Variants in CHD7 observed in about 807,000 individuals in gnomAD.
CHD7 encodes ATP-dependent chromatin remodeler CHD7.
A neutral mutation model predicts 307.3 loss-of-function variants in CHD7; 24 were observed. That is an observed-to-expected ratio of 0.08 (90% CI 0.06 to 0.11). The LOEUF is 0.11. Ranked by LOEUF, CHD7 falls within the 10% of genes least tolerant of loss-of-function variation. The pLI is 1.00. For synonymous variants in CHD7, 1,363 were observed against 1,349.9 expected (o/e 1.01, Z -0.21); for missense variants, 3,106 against 3,727.1 (o/e 0.83, Z 4.34).
At chr8:60,798,177 A>T (rs1262011326) in intron 4 of CHD7, among the ~76,000 whole-genome samples, 1 of 152,188 alleles carries the variant, frequency 6.6e-6, no homozygotes, top group Non-Finnish European at 1.5e-5. Context: ...GTGGGAAAGT[A>T]TTGCAGATGG....
intron 1 of CHD7, among the ~76,000 whole-genome samples, chr8:60,712,997 C>T (rs1156900091): frequency 1.4e-5 from 2 of 146,886 alleles, no homozygotes; most frequent in Non-Finnish European, 3.0e-5. Flanking sequence ...TTACGCTGAG[C>T]CGAGATTGCG....
chr8:60,744,145 T>C (rs1372509951), intron 2 of CHD7, among the ~76,000 whole-genome samples: 1 of 152,130 alleles, frequency 6.6e-6, no homozygotes, highest in African/African-American at 2.4e-5. Context: ...AGGTCAGCAG[T>C]TGAGACTGGG....
At position 60,742,165 on chromosome 8, in the gene CHD7, A is replaced by G. The variant is rs768507639; in HGVS notation, c.733A>G (p.Met245Val). The change falls in exon 2 of 38, where the codon ATG (methionine) becomes GTG (valine). Residue 245 changes from methionine (M) to valine (V), a missense_variant. This residue lies in a region of CHD7 where 998 missense variants were observed against 1,004.5 expected (regional missense o/e 0.99). Coordinates refer to ENST00000423902, the MANE Select transcript of CHD7 (RefSeq NM_017780.4). ...CCACGTGCCCCAGCAGAGTCCCAGCATGGCACCTTCCTTGCGTCACTCGGT... is the reference window on the plus strand; with the variant it reads ...CCACGTGCCCCAGCAGAGTCCCAGCGTGGCACCTTCCTTGCGTCACTCGGT... ...LSHVPQQSPS[M>V]APSLRHSVQQ... The G allele has an allele frequency of 1.1e-5, 18 of 1,613,778 alleles. No homozygotes were observed. In the East Asian group the frequency reaches 1.8e-4, roughly 16 times the overall value.
In CHD7 at chr8:60,772,273, AC is replaced by A. The variant is rs1298392960; in HGVS notation, c.1666-8723del. On this transcript the variant is annotated intron_variant, in intron 2 of 37. Transcript: ENST00000423902. The stretch of plus-strand genomic sequence containing the variant: ...TTGTTTTGTTCCCAATTCTGCACAA[AC>A]CCCTGGGATTGTTCAGTGTTGCAGA... 5.3e-5 allele frequency among the ~76,000 whole-genome samples: 8 copies of A among 152,022 alleles called. No individual in the cohort carries two copies. In the South Asian group the frequency reaches 1.7e-3, roughly 32 times the overall value.
At chr8:60,715,140 A>G (rs1775570819) in intron 1 of CHD7, among the ~76,000 whole-genome samples, 2 of 152,340 alleles carry the variant, frequency 1.3e-5, no homozygotes, top group African/African-American at 4.8e-5. Context: ...GAGAGCCGCC[A>G]CATTGACACT....
rs1053945677 is a variant in CHD7 at position 60,742,420 on chromosome 8, C to A, written c.988C>A (p.Gln330Lys). The A allele has an allele frequency of 6.2e-7, 1 of 1,613,956 alleles. No homozygotes were observed. ...ATTAGTTAACAATACAGGGATGAATCAAAATTTAGGCCTTACAAATAATAC... is the reference window on the plus strand; with the variant it reads ...ATTAGTTAACAATACAGGGATGAATAAAAATTTAGGCCTTACAAATAATAC... ...QGLVNNTGMN[Q>K]NLGLTNNTPM... is the part of the protein sequence containing the mutation. The change falls in exon 2 of 38, where the codon CAA (glutamine) becomes AAA (lysine). Residue 330 changes from glutamine to lysine, a missense_variant. Transcript: ENST00000423902.
At chr8:60,680,405 G>A (rs1213046187) in intron 1 of CHD7, among the ~76,000 whole-genome samples, 3 of 128,060 alleles carry the variant, frequency 2.3e-5, no homozygotes, top group Admixed American at 7.3e-5. Context: ...TCGCGGGGGG[G>A]GGGGGCGGGG....
rs961958103 is a variant in CHD7 at position 60,694,981 on chromosome 8, A to G, written c.-175+15899A>G. ...AGGCAAAAAGTCAGAGGCTGTTGAAATAGCCCAACCAGGAGGTGGTAGAGC... is the reference window on the plus strand; with the variant it reads ...AGGCAAAAAGTCAGAGGCTGTTGAAGTAGCCCAACCAGGAGGTGGTAGAGC... On this transcript the variant is annotated intron_variant, in intron 1 of 37. Transcript: ENST00000423902. Among the ~76,000 whole-genome samples the G allele has an allele frequency of 2.6e-5, 4 of 152,198 alleles. No individual in the cohort carries two copies. In the East Asian group the frequency reaches 5.8e-4, roughly 22 times the overall value.
intron 1 of CHD7, among the ~76,000 whole-genome samples, chr8:60,722,683 G>A (rs1176499230): frequency 2.6e-5 from 4 of 152,188 alleles, no homozygotes; most frequent in African/African-American, 9.7e-5. Context: ...TTGACAATGA[G>A]TGAGATTCCT....
At chr8:60,863,158 A>T (rs1806083145) in intron 37 of CHD7, 1 of 153,798 alleles carries the variant, frequency 6.5e-6, no homozygotes, top group Admixed American at 6.5e-5. Flanking sequence ...GTTGATCTTA[A>T]CACACGTGTG....
At chr8:60,786,719 G>A (rs1169523997) in intron 3 of CHD7, among the ~76,000 whole-genome samples, 4 of 152,170 alleles carry the variant, frequency 2.6e-5, no homozygotes, top group South Asian at 2.1e-4. Context: ...TGTTAGGGCT[G>A]GCAGGTAAAG....
chr8:60,811,812 C>T (rs958229149), intron 7 of CHD7, among the ~76,000 whole-genome samples: 1 of 152,066 alleles, frequency 6.6e-6, no homozygotes, highest in African/African-American at 2.4e-5. Flanking sequence ...AGTATGCAAA[C>T]ACCTGTTTCC....
At chr8:60,835,579 T>C (rs927172702) in intron 15 of CHD7, among the ~76,000 whole-genome samples, 2 of 152,232 alleles carry the variant, frequency 1.3e-5, no homozygotes, top group African/African-American at 4.8e-5. Flanking sequence ...TTGCCTATAT[T>C]AATATGCAAT....
intron 5 of CHD7, 137 bp downstream of exon 5, chr8:60,800,662 A>G (rs1812266923): frequency 1.2e-6 from 1 of 841,096 alleles, no homozygotes; most frequent in East Asian, 2.7e-5. Context: ...ATAATGTGCT[A>G]TGGGAAATTC....
intron 2 of CHD7, among the ~76,000 whole-genome samples, chr8:60,766,293 G>C (rs1810465703): frequency 6.6e-6 from 1 of 152,184 alleles, no homozygotes; most frequent in Non-Finnish European, 1.5e-5. Context: ...GTGAGAGAAA[G>C]GGGGGGAATT....
intron 1 of CHD7, among the ~76,000 whole-genome samples, chr8:60,689,728 G>A (rs913107532): frequency 6.6e-6 from 1 of 152,226 alleles, no homozygotes; most frequent in African/African-American, 2.4e-5. Context: ...TTCCTCAGAT[G>A]TTGTATCTTA....
chr8:60,809,272 C>T (rs1166886483), intron 7 of CHD7, among the ~76,000 whole-genome samples: 3 of 152,174 alleles, frequency 2.0e-5, no homozygotes, highest in Admixed American at 6.5e-5. Flanking sequence ...CAATGAAATA[C>T]AGTCTGACAA....
At chr8:60,762,325 T>C (rs1055163067) in intron 2 of CHD7, among the ~76,000 whole-genome samples, 1 of 152,210 alleles carries the variant, frequency 6.6e-6, no homozygotes, top group Admixed American at 6.5e-5. Flanking sequence ...CTGACACTGC[T>C]GAATGTGGGG....
intron 1 of CHD7, among the ~76,000 whole-genome samples, chr8:60,719,839 A>C (rs1807811211): frequency 6.6e-6 from 1 of 152,240 alleles, no homozygotes; most frequent in South Asian, 2.1e-4. Flanking sequence ...GTTATCAGCT[A>C]GCAGAACTTG....
Sources: gnomAD v4.1 joint callset for allele counts (sites outside exome capture counted in the v4.1 genomes callset) on GRCh38, gnomAD v4.1.1 for gene constraint, gnomAD v4.1.1 regional missense constraint, MANE v1.5 for transcripts, NCBI Gene and HGNC (gene_info 2026-07-23, HGNC 2026-07-21) for gene names.